Variants in NALCN observed in about 807,000 individuals in gnomAD.
NALCN encodes the protein sodium leak channel, non-selective, also known as sodium leak channel NALCN.
In NALCN, 111 loss-of-function variants were observed where a neutral mutation model predicts 225.3. The observed-to-expected ratio is 0.49, with a 90% confidence interval of 0.42 to 0.58. The LOEUF is 0.58. Among genes scored for constraint, NALCN ranks in the 20% least tolerant of loss-of-function variants. NALCN has a pLI of 0.00. For missense variants in NALCN, 1,378 were observed against 2,202.4 expected, an observed-to-expected ratio of 0.63 and a Z score of 7.49; for synonymous variants, 764 against 769.0, an observed-to-expected ratio of 0.99 and a Z score of 0.11.
rs563707425 is a variant in NALCN at position 101,088,610 on chromosome 13, A to T, written c.3489+1053T>A. Reference sequence around the variant, plus strand: ...TGTGAGAATTGATTGAATATGTAAAATCTTAGTACACAGTGTGTGCTCAAA... The same window carrying T: ...TGTGAGAATTGATTGAATATGTAAATTCTTAGTACACAGTGTGTGCTCAAA... On this transcript the variant is annotated intron_variant, in intron 30 of 43. Transcript: ENST00000251127. Among the ~76,000 whole-genome samples the T allele has an allele frequency of 3.3e-5, 5 of 152,264 alleles. No homozygotes were observed. The South Asian group carries it at 1.0e-3, about 32-fold the overall frequency.
At chr13:101,223,679 C>A (rs1392438941) in intron 13 of NALCN, among the ~76,000 whole-genome samples, 1 of 152,090 alleles carries the variant, frequency 6.6e-6, no homozygotes, top group Non-Finnish European at 1.5e-5. Flanking sequence ...GTACTCACTC[C>A]AGACACATAA....
chr13:101,226,782 C>A (rs2041160369), intron 13 of NALCN, among the ~76,000 whole-genome samples: 1 of 152,162 alleles, frequency 6.6e-6, no homozygotes, highest in Non-Finnish European at 1.5e-5. Flanking sequence ...TCTGCCCTGC[C>A]AGGCCAGCTG....
intron 13 of NALCN, among the ~76,000 whole-genome samples, chr13:101,229,076 T>C (rs984239145): frequency 3.9e-5 from 6 of 152,320 alleles, no homozygotes; most frequent in African/African-American, 1.4e-4. Flanking sequence ...AACACAAAAA[T>C]GCAAGCTTTA....
chr13:101,397,150 G>T, intron 2 of NALCN, among the ~76,000 whole-genome samples: 1 of 131,618 alleles, frequency 7.6e-6, no homozygotes, highest in Admixed American at 7.8e-5. Flanking sequence ...TATACACATA[G>T]CATGTTATAT....
intron 6 of NALCN, among the ~76,000 whole-genome samples, chr13:101,354,642 A>G (rs1278577607): frequency 6.6e-6 from 1 of 152,220 alleles, no homozygotes; most frequent in Non-Finnish European, 1.5e-5. Context: ...TTTGGCAAGG[A>G]GCAATTTGCT....
intron 2 of NALCN, among the ~76,000 whole-genome samples, chr13:101,397,282 T>C (rs916355946): frequency 1.3e-5 from 2 of 150,042 alleles, no homozygotes; most frequent in African/African-American, 4.9e-5. Context: ...AGATCCTGCA[T>C]GTATCATGGT....
At chr13:101,308,457 A>G (rs1474359377) in intron 7 of NALCN, among the ~76,000 whole-genome samples, 1 of 152,250 alleles carries the variant, frequency 6.6e-6, no homozygotes, top group East Asian at 1.9e-4. Flanking sequence ...GAGATGCCAC[A>G]GAGGCCTGCA....
Position 101,399,010 on chromosome 13 carries a change from G to T in NALCN, c.108+9C>A. 6.6e-7 allele frequency: 1 copy of T among 1,515,666 alleles called. No homozygotes were observed. The highest frequency in any genetic ancestry group is 9.2e-7 in the Non-Finnish European group (1 of 1,090,606). The allele number at this position is 1,515,666 out of a possible 1,614,324, so 93.9% of individuals were successfully genotyped here. On this transcript the variant is annotated intron_variant, in intron 2 of 43. Coordinates refer to ENST00000251127, the MANE Select transcript of NALCN (RefSeq NM_052867.4). The stretch of plus-strand genomic sequence containing the variant: ...CATATGCTTCTCCATACTCAAAGAA[G>T]AAACTTACTGGTTTGTTAATCCAGA...
intron 7 of NALCN, among the ~76,000 whole-genome samples, chr13:101,344,600 A>G (rs531755693): frequency 6.6e-5 from 10 of 152,310 alleles, no homozygotes; most frequent in East Asian, 1.9e-4. Context: ...ATAATATAAT[A>G]TGCGCAACTT....
At chr13:101,361,910 C>T (rs1012222395) in intron 6 of NALCN, among the ~76,000 whole-genome samples, 3 of 152,056 alleles carry the variant, frequency 2.0e-5, no homozygotes, top group African/African-American at 7.2e-5. Flanking sequence ...ATACTGAAGA[C>T]TCTCACAAAC....
intron 7 of NALCN, among the ~76,000 whole-genome samples, chr13:101,339,551 G>A (rs1292978182): frequency 2.0e-5 from 3 of 152,012 alleles, no homozygotes; most frequent in Non-Finnish European, 2.9e-5. Flanking sequence ...AGAGGAGGTC[G>A]GAAAATAAAT....
At chr13:101,177,257 C>T (rs1276785660) in intron 14 of NALCN, among the ~76,000 whole-genome samples, 2 of 152,142 alleles carry the variant, frequency 1.3e-5, no homozygotes, top group African/African-American at 4.8e-5. Flanking sequence ...AAGCCTGTCT[C>T]AGATTCCCAA....
intron 33 of NALCN, 93 bp downstream of exon 33, chr13:101,082,716 C>A: frequency 2.3e-6 from 3 of 1,301,264 alleles, no homozygotes; most frequent in South Asian, 1.2e-5. Flanking sequence ...CAATGGAACA[C>A]AGAGAGGAGA....
chr13:101,100,978 T>C (rs2034778846), intron 26 of NALCN, 90 bp from the exon 27 acceptor site: 8 of 965,566 alleles, frequency 8.3e-6, no homozygotes, highest in Non-Finnish European at 1.0e-5. Flanking sequence ...ACTTCTAAGA[T>C]AACATTGTAT....
intron 27 of NALCN, among the ~76,000 whole-genome samples, chr13:101,096,028 T>A (rs1456487063): frequency 6.6e-6 from 1 of 152,108 alleles, no homozygotes; most frequent in East Asian, 1.9e-4. Context: ...TCACACCCAC[T>A]GAGAAAGCCA....
intron 34 of NALCN, among the ~76,000 whole-genome samples, chr13:101,078,485 G>A (rs993080129): frequency 1.3e-5 from 2 of 152,222 alleles, no homozygotes; most frequent in African/African-American, 4.8e-5. Flanking sequence ...AGTCAAAGGA[G>A]ATTATTTTGG....
rs113458328 is a variant in NALCN, at chr13:101,378,447, G to A, written c.375+123C>T. On this transcript the variant is annotated intron_variant, in intron 4 of 43. Coordinates refer to ENST00000251127, the MANE Select transcript of NALCN (RefSeq NM_052867.4). ...TGTTAAAATAAAAATAAAATAAAATGTTGTAGGCAATTACACAATCACATT... is the reference window on the plus strand; with the variant it reads ...TGTTAAAATAAAAATAAAATAAAATATTGTAGGCAATTACACAATCACATT... 1.4e-4 allele frequency: 96 copies of A among 668,882 alleles called. 2 individuals are homozygous for A. In the South Asian group the frequency reaches 2.2e-3, roughly 15 times the overall value. 41.4% of individuals were successfully genotyped at this position (668,882 alleles called of 1,614,324 possible).
intron 27 of NALCN, among the ~76,000 whole-genome samples, chr13:101,096,022 AC>A (rs1434745680): frequency 3.9e-5 from 6 of 152,068 alleles, no homozygotes; most frequent in Admixed American, 3.9e-4. Flanking sequence ...ATCACCTCAC[AC>A]CCACTGAGAA....
intron 30 of NALCN, among the ~76,000 whole-genome samples, chr13:101,086,011 A>G (rs2033912538): frequency 1.3e-5 from 2 of 152,086 alleles, no homozygotes. Flanking sequence ...TTCTATACCT[A>G]TAACAATACT....
Sources: gnomAD v4.1 joint callset for allele counts (sites outside exome capture counted in the v4.1 genomes callset) on GRCh38, gnomAD v4.1.1 for gene constraint, MANE v1.5 for transcripts, NCBI Gene and HGNC (gene_info 2026-07-23, HGNC 2026-07-21) for gene names.